The following MYCBP2 variants were observed in gnomAD, a reference collection of about 807,000 sequenced individuals.
MYCBP2 encodes MYC binding protein 2.
In MYCBP2, 120 loss-of-function variants were observed where a neutral mutation model predicts 525.3. That is an observed-to-expected ratio of 0.23 (90% CI 0.20 to 0.27). The LOEUF (loss-of-function observed/expected upper bound fraction) is 0.27. Among genes scored for constraint, MYCBP2 ranks in the 10% least tolerant of loss-of-function variants. MYCBP2 has a pLI of 1.00. For missense variants in MYCBP2, 4,149 were observed against 5,657.1 expected, an observed-to-expected ratio of 0.73 and a Z score of 8.55; for synonymous variants, 1,894 against 1,955.8, an observed-to-expected ratio of 0.97 and a Z score of 0.83.
chr13:77,093,422 C>T (rs1249331169), intron 58 of MYCBP2, 90 bp from the exon 59 acceptor site: 2 of 1,106,824 alleles, frequency 1.8e-6, no homozygotes, highest in Admixed American at 4.5e-5. Flanking sequence ...AAAAGCAGCA[C>T]ATGTAAATCA....
intron 30 of MYCBP2, among the ~76,000 whole-genome samples, chr13:77,187,901 T>C (rs140452628): frequency 0.03 from 4,479 of 151,716 alleles, 96 homozygotes; most frequent in East Asian, 0.053. Flanking sequence ...TGAAACCCCC[T>C]CTCTACTAAA....
intron 34 of MYCBP2, 22 bp from the exon 35 acceptor site, chr13:77,177,976 G>C (rs773881542): frequency 7.0e-7 from 1 of 1,419,934 alleles, no homozygotes; most frequent in Admixed American, 1.7e-5. Flanking sequence ...AAAAGCAATT[G>C]TATCAGTAGT....
intron 11 of MYCBP2, 133 bp from the exon 12 acceptor site, chr13:77,261,508 C>T: frequency 1.5e-6 from 1 of 689,172 alleles, no homozygotes; most frequent in Non-Finnish European, 2.3e-6. Context: ...CTTTTTTACA[C>T]TATTCAGCTT....
At chr13:77,059,806 CAAAA>C (rs1327628015) in intron 76 of MYCBP2, among the ~76,000 whole-genome samples, 180 bp from the exon 77 acceptor site, 2 of 151,816 alleles carry the variant, frequency 1.3e-5, no homozygotes, top group African/African-American at 4.8e-5. Context: ...TAATGACACA[CAAAA>C]AAAGAAATTA....
Position 77,098,608 on chromosome 13 carries a change from T to C in MYCBP2, c.8546A>G (p.Asn2849Ser). ...SPRSSSPHDK[N>S]LPQKSTAPVK... ...AGGAGCAGTACTTTTTTGAGGTAGA[T>C]TTTTATCATGTGGTGAGGAGGAGCG... is the stretch of plus-strand genomic sequence containing the variant. The change falls in exon 56 of 83, where the codon AAT becomes AGT. Residue 2849 changes from asparagine (N) to serine (S), a missense_variant. Asn to Ser is a conservative substitution (Grantham distance 46). This residue lies in a region of MYCBP2 where 653 missense variants were observed against 744.7 expected (regional missense o/e 0.88). Transcript: ENST00000544440. 1 of 1,613,676 alleles carries C rather than the reference T, an allele frequency of 6.2e-7. No individual in the cohort carries two copies. The highest frequency in any genetic ancestry group is 1.1e-5 in the South Asian group (1 of 91,058).
intron 50 of MYCBP2, 66 bp from the exon 51 acceptor site, chr13:77,140,229 G>T: frequency 9.9e-7 from 1 of 1,012,908 alleles, no homozygotes; most frequent in Non-Finnish European, 1.5e-6. Context: ...CAAGTAGCAA[G>T]AAGTAAAATT....
Position 77,060,986 on chromosome 13 carries a change from G to A in MYCBP2, c.13036+183C>T, listed in dbSNP as rs1212046305. On this transcript the variant is annotated intron_variant, in intron 76 of 82. Transcript: ENST00000544440. ...TAGTTAGTGGCAAATCAGGTTTCTT[G>A]ACTTTTGGTCTAATGCTCTCTTCAC... 6.6e-5 allele frequency among the ~76,000 whole-genome samples: 10 copies of A among 152,268 alleles called. No homozygotes were observed. The East Asian group carries it at 1.9e-3, about 29-fold the overall frequency.
chr13:77,196,370 A>G (rs1033545138), intron 26 of MYCBP2, among the ~76,000 whole-genome samples: 1 of 152,130 alleles, frequency 6.6e-6, no homozygotes, highest in East Asian at 1.9e-4. Context: ...TTCTGAAGAG[A>G]CAATGATGCA....
chr13:77,164,388 C>A, intron 43 of MYCBP2, 66 bp downstream of exon 43: 1 of 1,067,282 alleles, frequency 9.4e-7, no homozygotes, highest in South Asian at 1.4e-5. Flanking sequence ...ATTTTTGGCC[C>A]TTTTATAATA....
intron 57 of MYCBP2, 35 bp from the exon 58 acceptor site, chr13:77,095,637 A>G: frequency 6.3e-7 from 1 of 1,595,894 alleles, no homozygotes; most frequent in Non-Finnish European, 8.6e-7. Flanking sequence ...ATCTTTTCTG[A>G]CTTACATTAA....
chr13:77,051,201 G>A lies in MYCBP2; in HGVS notation c.13756-39C>T, dbSNP rs372804709. On this transcript the variant is annotated intron_variant, in intron 81 of 82. Coordinates refer to ENST00000544440, the MANE Select transcript of MYCBP2 (RefSeq NM_015057.5). The stretch of plus-strand genomic sequence containing the variant: ...GAAGAGACAGACACAAGATCATAGT[G>A]AGACTATTTCAATCACACTTAAGAT... The A allele has an allele frequency of 1.1e-4, 176 of 1,560,318 alleles. 1 individual carries two copies. The African/African-American group carries it at 2.0e-3, about 18-fold the overall frequency.
intron 39 of MYCBP2, among the ~76,000 whole-genome samples, chr13:77,169,348 A>T (rs542317590): frequency 1.5e-3 from 223 of 149,110 alleles, no homozygotes; most frequent in Non-Finnish European, 2.3e-3. Context: ...GTGAGCGGAG[A>T]TCGCGCCACA....
At chr13:77,094,983 A>T (rs999064580) in intron 58 of MYCBP2, among the ~76,000 whole-genome samples, 1 of 152,138 alleles carries the variant, frequency 6.6e-6, no homozygotes. Flanking sequence ...TATTCATTTA[A>T]ATGCTAACAG....
In MYCBP2 at chr13:77,243,921, A is replaced by G. The variant is rs544604766; in HGVS notation, c.2412T>C (p.Gly804=). 1.3e-4 allele frequency: 214 copies of G among 1,594,972 alleles called. 3 individuals carry two copies. In the South Asian group the frequency reaches 2.2e-3, roughly 16 times the overall value. Residue 804 remains glycine, a synonymous_variant, in exon 16 of 83, where the codon GGT becomes GGC. Transcript: ENST00000544440. ...GICGCGSGES[G]CAVCGCCKAC... is the part of the protein sequence containing the mutation. Reference sequence around the variant, plus strand: ...CCTTGCAACATCCACACACAGCACAACCAGATTCTCCGGAACCACAACCAC... The same window carrying G: ...CCTTGCAACATCCACACACAGCACAGCCAGATTCTCCGGAACCACAACCAC...
intron 55 of MYCBP2, among the ~76,000 whole-genome samples, chr13:77,119,781 C>G (rs1238513481): frequency 1.3e-5 from 2 of 152,136 alleles, no homozygotes; most frequent in African/African-American, 4.8e-5. Flanking sequence ...TGGCTATTCA[C>G]AGGCACGACT....
At chr13:77,321,459 C>T (rs998941430) in intron 1 of MYCBP2, among the ~76,000 whole-genome samples, 1 of 152,196 alleles carries the variant, frequency 6.6e-6, no homozygotes, top group African/African-American at 2.4e-5. Flanking sequence ...CTGACATATT[C>T]CTACAATAAA....
chr13:77,095,474 G>A lies in MYCBP2; in HGVS notation c.10083C>T (p.Ser3361=). 6.2e-7 allele frequency: 1 copy of A among 1,613,584 alleles called. No homozygotes were observed. Among genetic ancestry groups the A allele is most frequent in the South Asian group, 1.1e-5 (1 of 91,074 alleles). Residue 3361 remains serine (S), a synonymous_variant, in exon 58 of 83, where the codon AGC becomes AGT. Transcript: ENST00000544440. ...GCTTTGCAGGATGGTAACACAGAAT[G>A]CTCGGTTCTGCTGCACTGCTCAGGG... ...LLSLSSAAEP[S]ILCYHPAKPF... is the part of the protein sequence containing the mutation.
rs776552932 is a variant in MYCBP2 at position 77,096,367 on chromosome 13, C to T, written c.9899G>A (p.Cys3300Tyr). ...GAGGTATTTTTCTCTACAGCGATCA[C>T]ATACCAGATACCAAGTGCTTCCTCC... ...GIGGSTWYLV[C>Y]DRCREKYLRE... Residue 3300 changes from cysteine (C) to tyrosine (Y), a missense_variant, in exon 57 of 83, where the codon TGT becomes TAT. Transcript: ENST00000544440. 3 of 1,613,550 alleles carry T rather than the reference C, an allele frequency of 1.9e-6. No individual in the cohort carries two copies. The highest frequency in any genetic ancestry group is 2.2e-5 in the South Asian group (2 of 91,052).
At chr13:77,239,895 T>A (rs2068550277) in intron 17 of MYCBP2, among the ~76,000 whole-genome samples, 1 of 152,204 alleles carries the variant, frequency 6.6e-6, no homozygotes, top group Admixed American at 6.5e-5. Context: ...TTTTTTAAAA[T>A]GGCTTCAGTT....
Sources: gnomAD v4.1 joint callset for allele counts (sites outside exome capture counted in the v4.1 genomes callset) on GRCh38, gnomAD v4.1.1 for gene constraint, gnomAD v4.1.1 regional missense constraint, MANE v1.5 for transcripts, NCBI Gene and HGNC (gene_info 2026-07-23, HGNC 2026-07-21) for gene names.